Variants in PPM1E observed in about 807,000 individuals in gnomAD.
The protein encoded by PPM1E is protein phosphatase, Mg2+/Mn2+ dependent 1E, also known as protein phosphatase 1E.
Under a neutral mutation model 65.9 loss-of-function variants are expected in PPM1E, and 20 were observed. The observed-to-expected ratio is 0.30, with a 90% CI of 0.21 to 0.44. PPM1E has a LOEUF of 0.44. Ranked by LOEUF, PPM1E falls within the 20% of genes least tolerant of loss-of-function variation. The probability of loss-of-function intolerance (pLI) is 1.00; values close to 1 mark genes in which losing one functional copy is unlikely to be tolerated. For synonymous variants in PPM1E, 352 were observed against 374.9 expected (o/e 0.94, Z 0.70); for missense variants, 713 against 953.1 (o/e 0.75, Z 3.32).
At chr17:58,792,338 A>G (rs1449993455) in intron 1 of PPM1E, among the ~76,000 whole-genome samples, 3 of 151,106 alleles carry the variant, frequency 2.0e-5, no homozygotes, top group Non-Finnish European at 2.9e-5. Context: ...TATTACCACA[A>G]TAATGATTAC....
Position 58,798,943 on chromosome 17 carries a change from G to A in PPM1E, c.464+42482G>A, listed in dbSNP as rs140860309. On this transcript the variant is annotated intron_variant, in intron 1 of 6. Transcript: ENST00000308249. ...TTTACTGACCTCAAGTAATCTGCCCGCCTCAGCTCCCAAAGTGTTGGGATT... is the reference window on the plus strand; with the variant it reads ...TTTACTGACCTCAAGTAATCTGCCCACCTCAGCTCCCAAAGTGTTGGGATT... 3.1e-3 allele frequency among the ~76,000 whole-genome samples: 472 copies of A among 152,034 alleles called. 2 individuals carry two copies. The highest frequency in any genetic ancestry group is 0.017 in the Middle Eastern group (5 of 292).
intron 1 of PPM1E, among the ~76,000 whole-genome samples, chr17:58,773,802 G>C (rs1482816065): frequency 6.6e-6 from 1 of 152,110 alleles, no homozygotes; most frequent in Non-Finnish European, 1.5e-5. Context: ...GCAAATTCCT[G>C]TGCTCCTGCC....
chr17:58,824,456 A>G lies in PPM1E; in HGVS notation c.464+67995A>G, dbSNP rs375323933. ...ATCAGTGAAGATAGATATTTCTTCAATCTAATTACTATTAGTTATTTTAAT... is the reference window on the plus strand; with the variant it reads ...ATCAGTGAAGATAGATATTTCTTCAGTCTAATTACTATTAGTTATTTTAAT... On this transcript the variant is annotated intron_variant, in intron 1 of 6. Transcript: ENST00000308249. Among the ~76,000 whole-genome samples the G allele has an allele frequency of 3.5e-4, 54 of 152,328 alleles. 1 individual carries two copies. In the East Asian group the frequency reaches 9.6e-3, roughly 27 times the overall value.
chr17:58,935,116 T>C (rs889701053), intron 1 of PPM1E, among the ~76,000 whole-genome samples: 15 of 150,964 alleles, frequency 9.9e-5, no homozygotes, highest in African/African-American at 3.4e-4. Context: ...CTGGGCGCAG[T>C]GGCGGGTGCC....
At chr17:58,890,627 G>T (rs1415966280) in intron 1 of PPM1E, among the ~76,000 whole-genome samples, 2 of 152,100 alleles carry the variant, frequency 1.3e-5, no homozygotes, top group African/African-American at 2.4e-5. Flanking sequence ...GTATGTATGT[G>T]TGTATATAAA....
At chr17:58,805,932 G>A (rs118164423) in intron 1 of PPM1E, among the ~76,000 whole-genome samples, 1,685 of 123,808 alleles carry the variant, frequency 0.014, 14 homozygotes, top group Middle Eastern at 0.059. Context: ...TTTAATAGGA[G>A]GTTCAGGCTG....
chr17:58,843,047 G>A (rs1459323255), intron 1 of PPM1E, among the ~76,000 whole-genome samples: 1 of 152,130 alleles, frequency 6.6e-6, no homozygotes, highest in Admixed American at 6.5e-5. Context: ...AGCACTTTGG[G>A]ATACCGAGGC....
chr17:58,779,610 A>G (rs1354643837), intron 1 of PPM1E, among the ~76,000 whole-genome samples: 4 of 152,200 alleles, frequency 2.6e-5, no homozygotes, highest in African/African-American at 7.2e-5. Flanking sequence ...CTGTAATTCA[A>G]TTATGACCCT....
At chr17:58,926,715 G>A (rs1188651416) in intron 1 of PPM1E, among the ~76,000 whole-genome samples, 1 of 151,956 alleles carries the variant, frequency 6.6e-6, no homozygotes, top group Non-Finnish European at 1.5e-5. Flanking sequence ...CTATTTGTAT[G>A]GCATTTTTGG....
At chr17:58,816,748 AT>A (rs2050419625) in intron 1 of PPM1E, among the ~76,000 whole-genome samples, 1 of 8,702 alleles carries the variant, frequency 1.1e-4, no homozygotes, top group East Asian at 3.0e-3. Flanking sequence ...ATAAATATAT[AT>A]ATATATATAT....
At chr17:58,944,400 G>T in intron 1 of PPM1E, among the ~76,000 whole-genome samples, 1 of 151,896 alleles carries the variant, frequency 6.6e-6, no homozygotes, top group East Asian at 1.9e-4. Flanking sequence ...TTTTAATACA[G>T]TCACAGTTGT....
At chr17:58,772,428 C>G (rs534007719) in intron 1 of PPM1E, among the ~76,000 whole-genome samples, 68 of 151,590 alleles carry the variant, frequency 4.5e-4, no homozygotes, top group Non-Finnish European at 2.2e-4. Context: ...TGCACTCCAG[C>G]CTGGTGACAG....
chr17:58,973,553 G>A (rs1598703084), intron 6 of PPM1E, among the ~76,000 whole-genome samples: 4 of 151,910 alleles, frequency 2.6e-5, no homozygotes, highest in South Asian at 4.1e-4. Context: ...AGTGGCTCAC[G>A]CCTGTAATCC....
intron 1 of PPM1E, among the ~76,000 whole-genome samples, chr17:58,778,627 C>T (rs1417571654): frequency 1.3e-5 from 2 of 151,570 alleles, no homozygotes; most frequent in Non-Finnish European, 2.9e-5. Flanking sequence ...CCAGGCTGGT[C>T]TCAAACTCCT....
chr17:58,823,879 C>T (rs1404102491), intron 1 of PPM1E, among the ~76,000 whole-genome samples: 6 of 151,914 alleles, frequency 3.9e-5, no homozygotes, highest in African/African-American at 9.7e-5. Context: ...TACAGGTACC[C>T]GCCACCACAC....
At chr17:58,865,649 A>G (rs563762472) in intron 1 of PPM1E, among the ~76,000 whole-genome samples, 1 of 152,302 alleles carries the variant, frequency 6.6e-6, no homozygotes, top group East Asian at 1.9e-4. Flanking sequence ...GCAGTGAGCC[A>G]TGATTGCAGC....
chr17:58,949,228 T>G (rs2052203404), intron 1 of PPM1E, among the ~76,000 whole-genome samples: 1 of 152,190 alleles, frequency 6.6e-6, no homozygotes, highest in Non-Finnish European at 1.5e-5. Context: ...TTGAATTGTT[T>G]CCTTAATTAC....
intron 1 of PPM1E, among the ~76,000 whole-genome samples, chr17:58,911,885 C>T (rs762032481): frequency 2.6e-5 from 4 of 152,184 alleles, no homozygotes; most frequent in Non-Finnish European, 5.9e-5. Context: ...AGCTCAGAGT[C>T]GCAAGGAAAA....
chr17:58,945,306 C>T (rs1416201258), intron 1 of PPM1E, among the ~76,000 whole-genome samples: 1 of 152,100 alleles, frequency 6.6e-6, no homozygotes, highest in Non-Finnish European at 1.5e-5. Flanking sequence ...CCACACTCAG[C>T]TAACTTATGT....
Sources: allele counts gnomAD v4.1 joint callset (sites outside exome capture counted in the v4.1 genomes callset), GRCh38; gene constraint gnomAD v4.1.1; transcripts MANE v1.5; gene names NCBI Gene and HGNC (gene_info 2026-07-23, HGNC 2026-07-21).